The following TRAF3IP1 variants were observed in gnomAD, a reference collection of about 807,000 sequenced individuals.
The protein encoded by TRAF3IP1 is TRAF3-interacting protein 1.
In TRAF3IP1, 53 loss-of-function variants were observed where a neutral mutation model predicts 89.9. The ratio of observed to expected loss-of-function variants is 0.59; its 90% confidence interval spans 0.47 to 0.74. TRAF3IP1 has a LOEUF of 0.74. Ranked by LOEUF, TRAF3IP1 falls within the 30% of genes least tolerant of loss-of-function variation. The pLI, the probability that TRAF3IP1 is intolerant of heterozygous loss-of-function variation, is 0.00. For synonymous variants in TRAF3IP1, 311 were observed against 322.1 expected (o/e 0.97, Z 0.37); for missense variants, 806 against 866.1 (o/e 0.93, Z 0.87).
At chr2:238,342,205 T>C (rs981579821) in intron 8 of TRAF3IP1, among the ~76,000 whole-genome samples, 2 of 152,126 alleles carry the variant, frequency 1.3e-5, no homozygotes, top group African/African-American at 4.8e-5. Flanking sequence ...GCCAGACTGG[T>C]CTCAAACTCC....
chr2:238,329,238 C>T lies in TRAF3IP1; in HGVS notation c.811C>T (p.Arg271Trp), dbSNP rs199726432. 2.0e-5 allele frequency: 31 copies of T among 1,545,938 alleles called. No homozygotes were observed. The highest frequency in any genetic ancestry group is 1.8e-4 in the Middle Eastern group (1 of 5,700). The change falls in exon 5 of 17, where the codon CGG (arginine) becomes TGG (tryptophan). Residue 271 changes from arginine (R) to tryptophan (W), a missense_variant. Arg to Trp is a moderately radical substitution (Grantham distance 101, BLOSUM62 -3). Around this residue, in one of 3 missense-constraint regions of TRAF3IP1, gnomAD observed 732 missense variants for 780.5 expected, o/e 0.94. Coordinates refer to ENST00000373327, the MANE Select transcript of TRAF3IP1 (RefSeq NM_015650.4). ...GAGAGACAGGGACCGAGAGCGCGAC[C>T]GGGACAAAGGGAAGGACAGGGACAG... ...RLRDRDRERDRDKGKDRDRRR... is the reference protein window; with the variant it reads ...RLRDRDRERDWDKGKDRDRRR...
intron 15 of TRAF3IP1, among the ~76,000 whole-genome samples, chr2:238,364,258 T>C (rs1240954334): frequency 2.0e-5 from 3 of 152,224 alleles, no homozygotes. Context: ...CCATTTCTTA[T>C]TGTACTAATG....
In TRAF3IP1 at chr2:238,352,808, C is replaced by G. The variant is rs766906411; in HGVS notation, c.1452-19C>G. On this transcript the variant is annotated intron_variant, in intron 12 of 16. Coordinates refer to ENST00000373327, the MANE Select transcript of TRAF3IP1 (RefSeq NM_015650.4). ...TGAAAATGTGTAATTCTAATTTAAT[C>G]TAATTTCTTTTTATTTAGGTCAGGG... is the stretch of plus-strand genomic sequence containing the variant. 11 of 1,591,840 alleles carry G rather than the reference C, an allele frequency of 6.9e-6. No homozygotes were observed. In the East Asian group the frequency reaches 2.5e-4, roughly 36 times the overall value.
intron 15 of TRAF3IP1, among the ~76,000 whole-genome samples, chr2:238,382,167 G>T (rs967410473): frequency 6.6e-6 from 1 of 152,174 alleles, no homozygotes; most frequent in African/African-American, 2.4e-5. Flanking sequence ...GAGCCCGGGT[G>T]TGATGGTTGG....
In TRAF3IP1 at chr2:238,356,068, A is replaced by G. The variant is rs1699389895; in HGVS notation, c.1677A>G (p.Lys559=). 6.2e-7 allele frequency: 1 copy of G among 1,613,496 alleles called. No homozygotes were observed. Among genetic ancestry groups the G allele is most frequent in the South Asian group, 1.1e-5 (1 of 91,034 alleles). The change falls in exon 15 of 17, where the codon AAA becomes AAG. Residue 559 remains lysine (K), a synonymous_variant. Transcript: ENST00000373327. ...ATGAGAAATTGCAGCAGTCACCCAA[A>G]CCTGGGGAGAAGGTAATGGAATGAT... is the stretch of plus-strand genomic sequence containing the variant. ...KDYEKLQQSP[K]PGEKERSLFE...
At chr2:238,385,187 T>G (rs952832963) in intron 15 of TRAF3IP1, among the ~76,000 whole-genome samples, 36 of 152,158 alleles carry the variant, frequency 2.4e-4, no homozygotes, top group African/African-American at 8.2e-4. Context: ...GGCTAATTTT[T>G]TGTATTTTTA....
chr2:238,341,985 T>A (rs1698682452), intron 8 of TRAF3IP1, among the ~76,000 whole-genome samples: 1 of 152,198 alleles, frequency 6.6e-6, no homozygotes, highest in South Asian at 2.1e-4. Flanking sequence ...ATAGTCATTT[T>A]TATTTTATTT....
At chr2:238,358,721 TTCTC>T (rs1390690567) in intron 15 of TRAF3IP1, among the ~76,000 whole-genome samples, 3 of 152,244 alleles carry the variant, frequency 2.0e-5, no homozygotes, top group Non-Finnish European at 4.4e-5. Context: ...TGCAGCATGT[TTCTC>T]TCTCTCATGT....
Position 238,345,109 on chromosome 2 carries a change from G to A in TRAF3IP1, c.1261+511G>A, listed in dbSNP as rs559025217. On this transcript the variant is annotated intron_variant, in intron 9 of 16. Coordinates refer to ENST00000373327, the MANE Select transcript of TRAF3IP1 (RefSeq NM_015650.4). The surrounding 1 kb of genome is among the most constrained non-coding windows in gnomAD (Gnocchi z 4.7). The stretch of plus-strand genomic sequence containing the variant: ...TTTGAGGCCTTGGAGCTCCTAACAG[G>A]CCTGCAAGGGTACCAGTGCCCAGGT... 5.3e-5 allele frequency among the ~76,000 whole-genome samples: 8 copies of A among 152,348 alleles called. No individual in the cohort carries two copies. The highest frequency in any genetic ancestry group is 1.9e-4 in the African/African-American group (8 of 41,578).
intron 15 of TRAF3IP1, among the ~76,000 whole-genome samples, chr2:238,361,607 C>T (rs901831490): frequency 6.6e-6 from 1 of 152,062 alleles, no homozygotes; most frequent in Non-Finnish European, 1.5e-5. Flanking sequence ...TCTAGGGAGC[C>T]CAGGCACTAC....
At chr2:238,357,686 T>G (rs200575854) in intron 15 of TRAF3IP1, among the ~76,000 whole-genome samples, 1 of 152,218 alleles carries the variant, frequency 6.6e-6, no homozygotes. Flanking sequence ...TACATTATAG[T>G]CCTTTCTGTA....
chr2:238,382,554 G>A (rs190229164), intron 15 of TRAF3IP1, among the ~76,000 whole-genome samples: 12 of 152,280 alleles, frequency 7.9e-5, no homozygotes, highest in African/African-American at 2.4e-4. Flanking sequence ...TCAGCAGGTC[G>A]GGGAGGATGA....
intron 1 of TRAF3IP1, 98 bp downstream of exon 1, chr2:238,320,883 C>A: frequency 9.2e-7 from 1 of 1,086,716 alleles, no homozygotes; most frequent in Non-Finnish European, 1.2e-6. Flanking sequence ...GCGAGCCGGG[C>A]TCGGGCTCAG....
chr2:238,356,145 T>C (rs1699395916), intron 15 of TRAF3IP1, 65 bp downstream of exon 15: 9 of 1,276,114 alleles, frequency 7.1e-6, no homozygotes, highest in Middle Eastern at 1.9e-4. Flanking sequence ...TACAGACTTT[T>C]ACAAGTTGGA....
At chr2:238,393,927 G>T (rs74979875) in intron 15 of TRAF3IP1, among the ~76,000 whole-genome samples, 346 of 152,220 alleles carry the variant, frequency 2.3e-3, no homozygotes, top group Non-Finnish European at 3.9e-3. Flanking sequence ...AAGCCTACGC[G>T]GTGGCTCACA....
chr2:238,330,057 C>T (rs749248117), intron 5 of TRAF3IP1, among the ~76,000 whole-genome samples: 2 of 152,130 alleles, frequency 1.3e-5, no homozygotes, highest in South Asian at 2.1e-4. Flanking sequence ...TTCTCCCGTG[C>T]GTGTCGTTTG....
Position 238,325,970 on chromosome 2 carries a change from G to A in TRAF3IP1, c.354G>A (p.Lys118=). The part of the protein sequence containing the change: ...LQIIGKCCLN[K]LSSDDAVRRV... Reference sequence around the variant, plus strand: ...TAATTGGAAAATGCTGTCTCAACAAGGTACTACTGCTGTCCTGGCATTTTG... The same window carrying A: ...TAATTGGAAAATGCTGTCTCAACAAAGTACTACTGCTGTCCTGGCATTTTG... The change falls in exon 3 of 17, where the codon AAG becomes AAA. Residue 118 remains lysine, a splice_region_variant and synonymous_variant. Transcript: ENST00000373327. 3 of 1,611,558 alleles carry A rather than the reference G, an allele frequency of 1.9e-6. No homozygotes were observed. The highest frequency in any genetic ancestry group is 2.5e-6 in the Non-Finnish European group (3 of 1,179,092).
chr2:238,331,286 A>AC (rs1698110696), intron 5 of TRAF3IP1, among the ~76,000 whole-genome samples: 1 of 148,290 alleles, frequency 6.7e-6, no homozygotes, highest in Non-Finnish European at 1.5e-5. Flanking sequence ...CGGTGATGAA[A>AC]CCCCATCTCT....
chr2:238,391,102 G>GCAC (rs1181878123), intron 15 of TRAF3IP1, among the ~76,000 whole-genome samples: 14 of 152,126 alleles, frequency 9.2e-5, no homozygotes, highest in Non-Finnish European at 1.2e-4. Flanking sequence ...CTACAGGTGT[G>GCAC]CACCACCACG....
Sources: allele counts gnomAD v4.1 joint callset (sites outside exome capture counted in the v4.1 genomes callset), GRCh38; gene constraint gnomAD v4.1.1; regional missense constraint gnomAD v4.1.1; non-coding constraint Gnocchi (gnomAD v3.1); transcripts MANE v1.5; gene names NCBI Gene and HGNC (gene_info 2026-07-23, HGNC 2026-07-21).